PAPOLA: variants seen among roughly 807,000 people sequenced by gnomAD.
The protein encoded by PAPOLA is poly(A) polymerase alpha, also known as polynucleotide adenylyltransferase alpha.
A neutral mutation model predicts 100.6 loss-of-function variants in PAPOLA; 15 were observed. That is an observed-to-expected ratio of 0.15 (90% confidence interval 0.10 to 0.23). PAPOLA has a LOEUF of 0.23. Ranked by LOEUF, PAPOLA falls within the 10% of genes least tolerant of loss-of-function variation. The pLI is 1.00. For synonymous variants in PAPOLA, 293 were observed against 300.0 expected (o/e 0.98, Z 0.24); for missense variants, 533 against 884.2 (o/e 0.60, Z 5.04).
At chr14:96,540,641 A>G (rs1442815375) in intron 12 of PAPOLA, among the ~76,000 whole-genome samples, 3 of 152,178 alleles carry the variant, frequency 2.0e-5, no homozygotes, top group African/African-American at 7.2e-5. Context: ...AATAATGCTG[A>G]GCAAATTAAA....
At chr14:96,549,552 A>G (rs1900673200) in intron 16 of PAPOLA, among the ~76,000 whole-genome samples, 1 of 151,992 alleles carries the variant, frequency 6.6e-6, no homozygotes, top group Non-Finnish European at 1.5e-5. Flanking sequence ...CTGGCCAAAA[A>G]TTTTCTTCTT....
intron 5 of PAPOLA, 64 bp from the exon 6 acceptor site, chr14:96,527,889 C>A: frequency 8.8e-7 from 1 of 1,130,326 alleles, no homozygotes; most frequent in Non-Finnish European, 1.4e-6. Context: ...TGCTAAAGTA[C>A]TAAAACTAGT....
intron 1 of PAPOLA, among the ~76,000 whole-genome samples, chr14:96,512,970 G>C (rs1897205393): frequency 6.6e-6 from 1 of 152,236 alleles, no homozygotes; most frequent in African/African-American, 2.4e-5. Flanking sequence ...GCTTATTTCT[G>C]TTGTGCTGGA....
In PAPOLA at chr14:96,556,276, A is replaced by T. The variant is rs1901318771; in HGVS notation, c.1867A>T (p.Asn623Tyr). Residue 623 changes from asparagine (N) to tyrosine (Y), a missense_variant, in exon 19 of 22, where the codon AAC (asparagine) becomes TAC (tyrosine). Asn to Tyr is a moderately radical substitution (Grantham distance 143). Coordinates refer to ENST00000216277, the MANE Select transcript of PAPOLA (RefSeq NM_032632.5). ...AGTTGTTTCTTCAACACGTCTGGTAAACCCACCACCTAGATCTTCAGGAAA... is the reference window on the plus strand; with the variant it reads ...AGTTGTTTCTTCAACACGTCTGGTATACCCACCACCTAGATCTTCAGGAAA... ...SRVVSSTRLV[N>Y]PPPRSSGNAA... 1 of 1,613,984 alleles carries T rather than the reference A, an allele frequency of 6.2e-7. No homozygotes were observed. Among genetic ancestry groups the T allele is most frequent in the African/African-American group, 1.3e-5 (1 of 74,898 alleles).
chr14:96,555,518 AAAATT>A (rs1203379856), intron 17 of PAPOLA, among the ~76,000 whole-genome samples: 42 of 152,270 alleles, frequency 2.8e-4, no homozygotes, highest in African/African-American at 8.2e-4. Flanking sequence ...AAATTTAATT[AAAATT>A]AAATAGTTTC....
intron 2 of PAPOLA, 146 bp from the exon 3 acceptor site, chr14:96,520,860 G>A (rs1442417840): frequency 3.5e-6 from 2 of 571,564 alleles, no homozygotes; most frequent in Non-Finnish European, 6.4e-6. Flanking sequence ...GCGAGAGAGA[G>A]AGCGAGCGAG....
At chr14:96,512,394 C>G (rs528528893) in intron 1 of PAPOLA, among the ~76,000 whole-genome samples, 2 of 152,194 alleles carry the variant, frequency 1.3e-5, no homozygotes, top group African/African-American at 4.8e-5. Context: ...AAATATATAT[C>G]TTTATCTATA....
At chr14:96,544,685 A>G (rs1379952204) in intron 15 of PAPOLA, among the ~76,000 whole-genome samples, 2 of 152,002 alleles carry the variant, frequency 1.3e-5, no homozygotes, top group Non-Finnish European at 2.9e-5. Flanking sequence ...GTTAAGTAGA[A>G]CCATTCCAAA....
chr14:96,535,431 C>T (rs1566851807), intron 10 of PAPOLA: 2 of 983,606 alleles, frequency 2.0e-6, no homozygotes, highest in South Asian at 4.7e-5. Flanking sequence ...AGTTTCACCG[C>T]GTGTTAATAA....
chr14:96,566,032 A>C lies in PAPOLA; in HGVS notation c.*982A>C. ...CCATGGCTGAAACTTGAGGGTGACT[A>C]AAAGTAATGCCTGTGAAACATGATA... On this transcript the variant is annotated 3_prime_UTR_variant, in exon 22 of 22. Transcript: ENST00000216277. 1 of 396,862 alleles carries C rather than the reference A, an allele frequency of 2.5e-6. No individual in the cohort carries two copies. The highest frequency in any genetic ancestry group is 4.4e-6 in the Non-Finnish European group (1 of 224,786). The allele number at this position is 396,862 out of a possible 1,614,324, so 24.6% of individuals were successfully genotyped here.
At chr14:96,527,387 C>T in intron 4 of PAPOLA, 43 bp from the exon 5 acceptor site, 2 of 1,141,062 alleles carry the variant, frequency 1.8e-6, no homozygotes, top group Non-Finnish European at 2.7e-6. Context: ...AAATAATTTT[C>T]TTGTAATATT....
At chr14:96,547,657 T>G (rs1900494383) in intron 15 of PAPOLA, 140 bp from the exon 16 acceptor site, 4 of 572,058 alleles carry the variant, frequency 7.0e-6, no homozygotes, top group Non-Finnish European at 1.2e-5. Context: ...TATGTCAGAT[T>G]AGGAATAGGT....
intron 18 of PAPOLA, 31 bp downstream of exon 18, chr14:96,555,978 A>G (rs1419318593): frequency 1.4e-6 from 2 of 1,411,326 alleles, no homozygotes; most frequent in African/African-American, 2.8e-5. Context: ...AGGTTTGAGA[A>G]TTCTTACATT....
At chr14:96,538,768 G>A (rs1233386995) in intron 12 of PAPOLA, among the ~76,000 whole-genome samples, 1 of 151,916 alleles carries the variant, frequency 6.6e-6, no homozygotes, top group East Asian at 1.9e-4. Flanking sequence ...TCACAGATTT[G>A]AATTTTTAAA....
intron 16 of PAPOLA, among the ~76,000 whole-genome samples, chr14:96,549,389 C>T (rs1900655996): frequency 6.6e-6 from 1 of 151,916 alleles, no homozygotes; most frequent in African/African-American, 2.4e-5. Context: ...GCTGGGACTA[C>T]AGGTGCCCAC....
At chr14:96,532,841 A>T (rs950291401) in intron 9 of PAPOLA, 192 bp downstream of exon 9, 44 of 1,319,264 alleles carry the variant, frequency 3.3e-5, no homozygotes, top group Non-Finnish European at 4.0e-5. Flanking sequence ...TTTGGCCAGG[A>T]TAGTAAGGCA....
At chr14:96,540,177 TAAAG>T (rs1229996922) in intron 12 of PAPOLA, among the ~76,000 whole-genome samples, 1 of 152,168 alleles carries the variant, frequency 6.6e-6, no homozygotes, top group Non-Finnish European at 1.5e-5. Flanking sequence ...CCTTTATAAA[TAAAG>T]AACATTGTAT....
chr14:96,557,251 A>G (rs1468085857), intron 19 of PAPOLA, among the ~76,000 whole-genome samples: 3 of 152,052 alleles, frequency 2.0e-5, no homozygotes, highest in Admixed American at 6.5e-5. Flanking sequence ...GAGTCTTGCT[A>G]TGTTATCCAG....
chr14:96,548,494 A>G (rs771251736), intron 16 of PAPOLA, among the ~76,000 whole-genome samples: 2 of 152,124 alleles, frequency 1.3e-5, no homozygotes, highest in Non-Finnish European at 2.9e-5. Flanking sequence ...TAGTGAGCAT[A>G]TTGGAATTTT....
Sources: gnomAD v4.1 joint callset for allele counts (sites outside exome capture counted in the v4.1 genomes callset) on GRCh38, gnomAD v4.1.1 for gene constraint, MANE v1.5 for transcripts, NCBI Gene and HGNC (gene_info 2026-07-23, HGNC 2026-07-21) for gene names.